SYCP1: variants seen among roughly 807,000 people sequenced by gnomAD.
The protein encoded by SYCP1 is synaptonemal complex protein 1.
Under a neutral mutation model 153.1 loss-of-function variants are expected in SYCP1, and 64 were observed. The ratio of observed to expected loss-of-function variants is 0.42; its 90% CI spans 0.34 to 0.51. The LOEUF (loss-of-function observed/expected upper bound fraction) is 0.51, where lower values mean the gene tolerates loss of function less well. SYCP1 is among the 20% of genes least tolerant of loss of function. The pLI, the probability that SYCP1 is intolerant of heterozygous loss-of-function variation, is 0.06. For missense variants in SYCP1, 997 were observed against 1,049.0 expected, an observed-to-expected ratio of 0.95 and a Z score of 0.68; for synonymous variants, 384 against 341.8, an observed-to-expected ratio of 1.12 and a Z score of -1.36.
rs71582509 is a variant in SYCP1 at position 114,857,136 on chromosome 1, C to CAAAAAAAAAAAAAAAAA, written c.194-91_194-75dup. On this transcript the variant is annotated intron_variant, in intron 3 of 31. Transcript: ENST00000369522. ...ATAGTGCCAGATGTCCTCTCTCTCT[C>CAAAAAAAAAAAAAAAAA]AAAAAAAAAAAAAAAAAAAAAGAGA... 2.2e-4 allele frequency: 55 copies of CAAAAAAAAAAAAAAAAA among 245,202 alleles called. 2 individuals carry two copies. Among genetic ancestry groups the CAAAAAAAAAAAAAAAAA allele is most frequent in the Middle Eastern group, 1.7e-3 (1 of 590 alleles). The allele number at this position is 245,202 out of a possible 1,614,324, so 15.2% of individuals were successfully genotyped here. A position where few individuals can be genotyped will look rare whatever the true frequency, so the allele number is the denominator to read the frequency against.
chr1:114,857,157 A>AAAAAAAG, intron 3 of SYCP1, 75 bp from the exon 4 acceptor site: 17 of 880,790 alleles, frequency 1.9e-5, no homozygotes, highest in Non-Finnish European at 2.6e-5. Flanking sequence ...AAAAAAAAAA[A>AAAAAAAG]GAGAAAAAAG....
At chr1:114,921,648 CA>C (rs60500508) in intron 20 of SYCP1, among the ~76,000 whole-genome samples, 29 of 135,264 alleles carry the variant, frequency 2.1e-4, no homozygotes, top group South Asian at 2.4e-4. Flanking sequence ...GACTCTGTCT[CA>C]AAAAAAAAAA....
At chr1:114,865,915 T>C (rs1360455431) in intron 8 of SYCP1, among the ~76,000 whole-genome samples, 2 of 152,242 alleles carry the variant, frequency 1.3e-5, no homozygotes, top group Non-Finnish European at 2.9e-5. Context: ...GAATGTTATG[T>C]AGTTCGAATC....
At chr1:114,938,604 G>A (rs1048701380) in intron 23 of SYCP1, among the ~76,000 whole-genome samples, 1 of 150,828 alleles carries the variant, frequency 6.6e-6, no homozygotes, top group African/African-American at 2.4e-5. Flanking sequence ...ATTTGATAAA[G>A]GAAAAAAAAG....
In SYCP1 at chr1:114,874,524, A is replaced by C; in HGVS notation, c.617A>C (p.Glu206Ala). The stretch of plus-strand genomic sequence containing the variant: ...ACAATAGATGAATATGAACGGGAAG[A>C]AACCAGGCAAGTTTATATGGATCTA... ...KTKKYEYERE[E>A]TRQVYMDLNN... is the part of the protein sequence containing the mutation. The change falls in exon 9 of 32, where the codon GAA becomes GCA. Residue 206 changes from glutamate to alanine, a missense_variant. Physicochemically the swap from Glu to Ala is moderately radical, Grantham distance 107 (BLOSUM62 -1). Transcript: ENST00000369522. 6.3e-7 allele frequency: 1 copy of C among 1,575,026 alleles called. No individual in the cohort carries two copies. The highest frequency in any genetic ancestry group is 1.2e-5 in the South Asian group (1 of 84,746).
At chr1:114,908,939 TA>T (rs1449531974) in intron 16 of SYCP1, among the ~76,000 whole-genome samples, 1 of 152,208 alleles carries the variant, frequency 6.6e-6, no homozygotes, top group Non-Finnish European at 1.5e-5. Flanking sequence ...TTATATTATG[TA>T]GATTCTGTTA....
In SYCP1 at chr1:114,895,487, T is replaced by A; in HGVS notation, c.1298T>A (p.Leu433His). The A allele has an allele frequency of 6.6e-7, 1 of 1,523,328 alleles. No homozygotes were observed. The highest frequency in any genetic ancestry group is 8.9e-7 in the Non-Finnish European group (1 of 1,118,834). 94.4% of individuals were successfully genotyped at this position (1,523,328 alleles called of 1,614,324 possible). ...TKLTNNKEVE[L>H]EELKKVLGEK... ...CTTACAAATAACAAAGAAGTAGAACTTGAAGAATTGAAAAAAGTCTTGGTA... is the reference window on the plus strand; with the variant it reads ...CTTACAAATAACAAAGAAGTAGAACATGAAGAATTGAAAAAAGTCTTGGTA... Residue 433 changes from leucine to histidine, a missense_variant, in exon 16 of 32, where the codon CTT becomes CAT. Physicochemically the swap from Leu to His is moderately conservative, Grantham distance 99. This residue lies in a region of SYCP1 where 712 missense variants were observed against 682.9 expected (regional missense o/e 1.04). Transcript: ENST00000369522.
At chr1:114,857,586 G>T (rs1664091439) in intron 5 of SYCP1, 89 bp downstream of exon 5, 4 of 948,456 alleles carry the variant, frequency 4.2e-6, no homozygotes, top group Admixed American at 6.3e-5. Context: ...GCTTCAAAAG[G>T]ATTATTATTT....
chr1:114,892,528 T>C (rs1666786887), intron 15 of SYCP1, among the ~76,000 whole-genome samples: 1 of 152,110 alleles, frequency 6.6e-6, no homozygotes, highest in Non-Finnish European at 1.5e-5. Context: ...TAGCTGGCAG[T>C]GGCAGAGGTT....
chr1:114,896,755 G>C (rs1282687340), intron 16 of SYCP1, among the ~76,000 whole-genome samples: 1 of 152,164 alleles, frequency 6.6e-6, no homozygotes, highest in Non-Finnish European at 1.5e-5. Context: ...TTTATATAAC[G>C]ATTCACTTCT....
chr1:114,860,818 C>A lies in SYCP1; in HGVS notation c.598+9C>A. On this transcript the variant is annotated intron_variant, in intron 8 of 31. Transcript: ENST00000369522. ...AGAAAAGACAAAGAAATGTAAATAT[C>A]TTTCTTGTTTTATGTGATTTTATCA... 1 of 1,562,102 alleles carries A rather than the reference C, an allele frequency of 6.4e-7. No individual in the cohort carries two copies. Among genetic ancestry groups the A allele is most frequent in the Non-Finnish European group, 8.7e-7 (1 of 1,152,194 alleles).
intron 8 of SYCP1, among the ~76,000 whole-genome samples, chr1:114,861,199 T>C (rs1664348852): frequency 6.6e-6 from 1 of 152,134 alleles, no homozygotes; most frequent in African/African-American, 2.4e-5. Flanking sequence ...AGTGGTGCAA[T>C]GTTTATTTTC....
At chr1:114,858,395 A>G in intron 5 of SYCP1, 152 bp from the exon 6 acceptor site, 1 of 507,856 alleles carries the variant, frequency 2.0e-6, no homozygotes, top group Non-Finnish European at 3.3e-6. Context: ...AGTAGTTTAA[A>G]AGAGTTAATG....
At chr1:114,865,595 C>T (rs1249458805) in intron 8 of SYCP1, among the ~76,000 whole-genome samples, 1 of 152,092 alleles carries the variant, frequency 6.6e-6, no homozygotes, top group Non-Finnish European at 1.5e-5. Context: ...ATGCAGAGTC[C>T]AGTTTGCAAA....
At chr1:114,870,950 C>T (rs1319640082) in intron 8 of SYCP1, among the ~76,000 whole-genome samples, 1 of 152,032 alleles carries the variant, frequency 6.6e-6, no homozygotes, top group Non-Finnish European at 1.5e-5. Context: ...TTGTCTTTTA[C>T]TCTTTTTATG....
intron 21 of SYCP1, among the ~76,000 whole-genome samples, chr1:114,924,820 C>G (rs1475010307): frequency 6.6e-6 from 1 of 151,758 alleles, no homozygotes; most frequent in Non-Finnish European, 1.5e-5. Flanking sequence ...TTTAAGGCCA[C>G]CTAAGCTACA....
intron 8 of SYCP1, among the ~76,000 whole-genome samples, chr1:114,864,830 A>G (rs1000648623): frequency 6.6e-6 from 1 of 152,002 alleles, no homozygotes; most frequent in Non-Finnish European, 1.5e-5. Context: ...CTGATTTTCT[A>G]TTTAGTTAAT....
At chr1:114,976,258 C>G (rs1413604467) in intron 27 of SYCP1, among the ~76,000 whole-genome samples, 1 of 151,682 alleles carries the variant, frequency 6.6e-6, no homozygotes, top group Non-Finnish European at 1.5e-5. Context: ...TATTTAGATC[C>G]AAAATTTGGT....
intron 20 of SYCP1, among the ~76,000 whole-genome samples, chr1:114,916,392 G>T (rs1241525648): frequency 1.3e-5 from 2 of 151,840 alleles, no homozygotes; most frequent in African/African-American, 2.4e-5. Context: ...TGGCTTGATG[G>T]TTAGTTTCCA....
Sources: allele counts gnomAD v4.1 joint callset (sites outside exome capture counted in the v4.1 genomes callset), GRCh38; gene constraint gnomAD v4.1.1; regional missense constraint gnomAD v4.1.1; transcripts MANE v1.5; gene names NCBI Gene and HGNC (gene_info 2026-07-23, HGNC 2026-07-21).